DMD: variants seen among roughly 807,000 people sequenced by gnomAD.
The protein encoded by DMD is dystrophin.
In DMD, 63 loss-of-function variants were observed where a neutral mutation model predicts 330.1. That is an observed-to-expected ratio of 0.19 (90% CI 0.16 to 0.24). The LOEUF is 0.24. Among genes scored for constraint, DMD ranks in the 10% least tolerant of loss-of-function variants. The pLI is 1.00. For missense variants in DMD, 3,344 were observed against 2,684.1 expected (o/e 1.25, Z -5.43); for synonymous variants, 1,223 against 959.8 (o/e 1.27, Z -5.07).
At chrX:31,815,948 G>T (rs1392369758) in intron 50 of DMD, among the ~76,000 whole-genome samples, 1 of 111,923 alleles carries the variant, frequency 8.9e-6, no homozygotes, top group African/African-American at 3.2e-5. Context: ...GAAGAATCAA[G>T]GTTCTGCAAC....
At chrX:32,886,060 T>G (rs1569539095) in intron 2 of DMD, among the ~76,000 whole-genome samples, 2 of 111,351 alleles carry the variant, frequency 1.8e-5, no homozygotes, top group African/African-American at 3.3e-5. Context: ...CATATGTAGA[T>G]AAAAGTGTAT....
chrX:32,549,392 C>A (rs981710930), intron 16 of DMD, among the ~76,000 whole-genome samples: 2 of 111,798 alleles, frequency 1.8e-5, no homozygotes, highest in African/African-American at 6.5e-5. Flanking sequence ...GGCTTCCATG[C>A]TTGTTTTCAA....
At chrX:32,687,681 C>A (rs1363549606) in intron 9 of DMD, among the ~76,000 whole-genome samples, 1 of 111,819 alleles carries the variant, frequency 8.9e-6, no homozygotes, top group Non-Finnish European at 1.9e-5. Flanking sequence ...TCAGCTTCAT[C>A]TACTATTTTA....
intron 72 of DMD, 83 bp downstream of exon 72, chrX:31,173,456 G>T: frequency 6.4e-6 from 7 of 1,086,789 alleles, no homozygotes; most frequent in East Asian, 3.1e-5. Context: ...AAAAAGAAAA[G>T]ATTTGTTTAA....
chrX:32,720,914 C>T (rs903050747), intron 7 of DMD, among the ~76,000 whole-genome samples: 6 of 111,709 alleles, frequency 5.4e-5, no homozygotes, highest in East Asian at 2.8e-4. Context: ...ATTCTACTGT[C>T]TATGTATTCA....
intron 38 of DMD, among the ~76,000 whole-genome samples, chrX:32,348,111 T>C (rs778536178): frequency 9.0e-6 from 1 of 111,552 alleles, no homozygotes; most frequent in Non-Finnish European, 1.9e-5. Flanking sequence ...GTTTATTTTA[T>C]GATTCGACTC....
chrX:32,418,074 T>G (rs1370677493), intron 29 of DMD, among the ~76,000 whole-genome samples: 1 of 111,358 alleles, frequency 9.0e-6, no homozygotes, highest in Non-Finnish European at 1.9e-5. Flanking sequence ...GGAAGCATAT[T>G]AAATTAAATA....
chrX:31,220,713 G>A (rs982154712), intron 64 of DMD, among the ~76,000 whole-genome samples: 3 of 110,198 alleles, frequency 2.7e-5, no homozygotes, highest in Non-Finnish European at 3.8e-5. Context: ...CCACAGCTCC[G>A]TGTCTAACCT....
intron 60 of DMD, among the ~76,000 whole-genome samples, chrX:31,388,491 C>A (rs978920926): frequency 1.8e-5 from 2 of 112,017 alleles, no homozygotes; most frequent in Admixed American, 1.9e-4. Context: ...TAGGTGTAAT[C>A]TGGTTTAACA....
chrX:31,199,248 A>G (rs1353897017), intron 67 of DMD, among the ~76,000 whole-genome samples: 3 of 68,039 alleles, frequency 4.4e-5, no homozygotes, highest in Non-Finnish European at 8.2e-5. Flanking sequence ...AGCTGGCAAT[A>G]TATTAATTAC....
chrX:31,295,983 CTTTTTTTTTTTTT>C (rs150166970), intron 62 of DMD, among the ~76,000 whole-genome samples: 2 of 92,915 alleles, frequency 2.2e-5, no homozygotes, highest in Non-Finnish European at 4.2e-5. Flanking sequence ...CAAAAAGTGA[CTTTTTTTTTTTTT>C]TTTTTTTACA....
At chrX:32,182,554 C>T (rs1372248756) in intron 44 of DMD, among the ~76,000 whole-genome samples, 1 of 111,159 alleles carries the variant, frequency 9.0e-6, no homozygotes, top group Non-Finnish European at 1.9e-5. Context: ...AATGTATAGG[C>T]ATATAAACAG....
chrX:32,588,986 A>G (rs960171776), intron 13 of DMD, among the ~76,000 whole-genome samples: 5 of 111,656 alleles, frequency 4.5e-5, no homozygotes. Flanking sequence ...TTTGGACTTC[A>G]AGGATGTGTT....
At chrX:32,449,413 C>T (rs973171825) in intron 26 of DMD, among the ~76,000 whole-genome samples, 2 of 109,837 alleles carry the variant, frequency 1.8e-5, no homozygotes, top group African/African-American at 3.3e-5. Flanking sequence ...TTAATATGAA[C>T]GAACGCCGTT....
At chrX:33,101,250 C>T (rs143495678) in intron 1 of DMD, among the ~76,000 whole-genome samples, 2,542 of 112,082 alleles carry the variant, frequency 0.023, 78 homozygotes, top group African/African-American at 0.078. Flanking sequence ...CTAGATTCTG[C>T]CACCTAGGAG....
At chrX:33,154,579 T>G (rs2048417147) in intron 1 of DMD, among the ~76,000 whole-genome samples, 2 of 111,827 alleles carry the variant, frequency 1.8e-5, no homozygotes, top group South Asian at 7.5e-4. Context: ...TATTCCTGTT[T>G]TATTTCTAGA....
intron 55 of DMD, among the ~76,000 whole-genome samples, chrX:31,573,648 G>A (rs1322590166): frequency 9.0e-6 from 1 of 111,637 alleles, no homozygotes; most frequent in Non-Finnish European, 1.9e-5. Flanking sequence ...GTGAATTCTG[G>A]CTTTTTAAAA....
chrX:32,565,572 T>A (rs1249097912), intron 16 of DMD, 130 bp downstream of exon 16: 29 of 648,036 alleles, frequency 4.5e-5, no homozygotes, highest in Non-Finnish European at 6.9e-5. Flanking sequence ...AGAATCATGT[T>A]TTTATTTAAC....
At position 33,268,909 on chromosome X, in the gene DMD, A is replaced by C. The variant is rs964208842; in HGVS notation, c.7+70350T>G. Reference sequence around the variant, plus strand: ...CCATTGCACTCCAGCCTGGGTGACAAAAAAAAAAAAAAAAAAAAAATCAAA... The same window carrying C: ...CCATTGCACTCCAGCCTGGGTGACACAAAAAAAAAAAAAAAAAAAATCAAA... On this transcript the variant is annotated intron_variant, in intron 1 of 17. Transcript: ENST00000288447. Among the ~76,000 whole-genome samples, 220 of 80,481 alleles carry C rather than the reference A, an allele frequency of 2.7e-3. 1 individual carries two copies. Among genetic ancestry groups the C allele is most frequent in the African/African-American group, 0.012 (201 of 16,352 alleles). 69.9% of individuals were successfully genotyped at this position (80,481 alleles called of 115,157 possible).
Sources: allele counts gnomAD v4.1 joint callset (sites outside exome capture counted in the v4.1 genomes callset), GRCh38; gene constraint gnomAD v4.1.1; transcripts MANE v1.5; gene names NCBI Gene and HGNC (gene_info 2026-07-23, HGNC 2026-07-21).